ACAN: variants seen among roughly 807,000 people sequenced by gnomAD.
ACAN encodes the protein aggrecan.
A neutral mutation model predicts 169.1 loss-of-function variants in ACAN; 47 were observed. The observed-to-expected ratio is 0.28, with a 90% confidence interval of 0.22 to 0.35. The LOEUF (loss-of-function observed/expected upper bound fraction) is 0.35, where lower values mean the gene tolerates loss of function less well. ACAN is among the 10% of genes least tolerant of loss of function. The pLI, the probability that ACAN is intolerant of heterozygous loss-of-function variation, is 1.00. For missense variants in ACAN, 2,716 were observed against 2,759.9 expected (o/e 0.98, Z 0.36); for synonymous variants, 1,115 against 1,112.2 (o/e 1.00, Z -0.05).
In ACAN at chr15:88,855,484, G is replaced by T; in HGVS notation, c.2899G>T (p.Ala967Ser). Residue 967 changes from alanine to serine, a missense_variant, in exon 12 of 19, where the codon GCC becomes TCC. This residue lies in a region of ACAN where 1,283 missense variants were observed against 1,281.5 expected (regional missense o/e 1.00). Transcript: ENST00000560601. ...LPSGEVLETS[A>S]SGVGDLSGLP... Reference sequence around the variant, plus strand: ...TTCTGGAGAAGTTCTAGAGACCTCTGCCTCTGGAGTAGGAGACCTCAGTGG... The same window carrying T: ...TTCTGGAGAAGTTCTAGAGACCTCTTCCTCTGGAGTAGGAGACCTCAGTGG... 1 of 1,613,630 alleles carries T rather than the reference G, an allele frequency of 6.2e-7. No homozygotes were observed. Among genetic ancestry groups the T allele is most frequent in the Non-Finnish European group, 8.5e-7 (1 of 1,179,774 alleles).
chr15:88,834,075 G>C (rs12907386), intron 1 of ACAN, among the ~76,000 whole-genome samples: 3 of 152,006 alleles, frequency 2.0e-5, no homozygotes, highest in African/African-American at 7.3e-5. Flanking sequence ...CATGGGGCTT[G>C]AACCAGAGCC....
Position 88,847,491 on chromosome 15 carries a change from C to T in ACAN, c.1604+74C>T, listed in dbSNP as rs546662085. ...CTTAAGGAGCCACAGCCTGACACCG[C>T]CCCCAGCACACTGAGCACCCAATAC... On this transcript the variant is annotated intron_variant, in intron 8 of 18. Transcript: ENST00000560601. The T allele has an allele frequency of 5.5e-5, 79 of 1,432,350 alleles. 2 individuals are homozygous for T. In the South Asian group the frequency reaches 9.2e-4, roughly 17 times the overall value. 88.7% of individuals were successfully genotyped at this position (1,432,350 alleles called of 1,614,324 possible).
rs1431586332 is a variant in ACAN at position 88,807,751 on chromosome 15, T to TGTGTGTGC, written c.-8+3949_-8+3950insCGTGTGTG. Among the ~76,000 whole-genome samples the TGTGTGTGC allele has an allele frequency of 6.7e-6, 1 of 149,682 alleles. No individual in the cohort carries two copies. Among genetic ancestry groups the TGTGTGTGC allele is most frequent in the Non-Finnish European group, 1.5e-5 (1 of 66,964 alleles). ...GAGCCTCCTTATAAGTGGTGGAGTG[T>TGTGTGTGC]GTGTGTGTGTGTGTGTGTGTGTGTG... On this transcript the variant is annotated intron_variant, in intron 1 of 18. Transcript: ENST00000560601. The surrounding 1 kb of genome is among the most constrained non-coding windows in gnomAD (Gnocchi z 4.0).
At chr15:88,824,479 A>T (rs537946586) in intron 1 of ACAN, among the ~76,000 whole-genome samples, 14 of 152,256 alleles carry the variant, frequency 9.2e-5, no homozygotes, top group Non-Finnish European at 1.5e-4. Context: ...CACCGGAAAT[A>T]CAGCAGTGAG....
At chr15:88,847,834 C>T (rs1896832689) in intron 8 of ACAN, 77 bp from the exon 9 acceptor site, 1 of 1,522,434 alleles carries the variant, frequency 6.6e-7, no homozygotes, top group Non-Finnish European at 8.9e-7. Context: ...TGAGTAGCCT[C>T]TGGCCTCAGC....
chr15:88,831,696 A>G (rs190291573), intron 1 of ACAN, among the ~76,000 whole-genome samples: 3 of 152,286 alleles, frequency 2.0e-5, no homozygotes, highest in Admixed American at 6.5e-5. Context: ...CCAACCTACC[A>G]TATGGCCTTG....
chr15:88,836,934 C>G (rs1596129222), intron 2 of ACAN, among the ~76,000 whole-genome samples: 1 of 152,338 alleles, frequency 6.6e-6, no homozygotes, highest in South Asian at 2.1e-4. Context: ...TTAGAGGCCC[C>G]CACTGGCCAT....
At chr15:88,848,070 A>C in intron 9 of ACAN, 32 bp downstream of exon 9, 1 of 1,607,726 alleles carries the variant, frequency 6.2e-7, no homozygotes, top group Non-Finnish European at 8.5e-7. Context: ...TTCGGGCCCT[A>C]GATGGGCAGG....
chr15:88,806,738 A>T (rs1041895481), intron 1 of ACAN, among the ~76,000 whole-genome samples: 4 of 152,128 alleles, frequency 2.6e-5, no homozygotes, highest in Admixed American at 6.6e-5. Flanking sequence ...GCTGAGCCAA[A>T]GGAAGCCCAT....
In ACAN at chr15:88,838,631, G is replaced by C; in HGVS notation, c.71-32G>C. On this transcript the variant is annotated intron_variant, in intron 2 of 18. Transcript: ENST00000560601. This position sits in a 1 kb window ranked among gnomAD's most constrained non-coding sequence, Gnocchi z 5.1. ...GGGTGGTCCTCTCTAGGCACTAACA[G>C]GTCTCTCTTCTACCCCACCTCTCCC... 1 of 1,550,088 alleles carries C rather than the reference G, an allele frequency of 6.5e-7. No homozygotes were observed. The highest frequency in any genetic ancestry group is 1.7e-4 in the Middle Eastern group (1 of 5,722).
intron 1 of ACAN, among the ~76,000 whole-genome samples, chr15:88,824,496 C>CA (rs1596120202): frequency 1.3e-5 from 2 of 152,080 alleles, no homozygotes; most frequent in South Asian, 2.1e-4. Context: ...TGAGAAAAAC[C>CA]AAAAAAACTC....
rs1271464848 is a variant in ACAN at position 88,840,351 on chromosome 15, A to G, written c.629+165A>G. On this transcript the variant is annotated intron_variant, in intron 4 of 18. Coordinates refer to ENST00000560601, the MANE Select transcript of ACAN (RefSeq NM_001369268.1). ...CACACCTTGGCCAAACAGCAGCTCAATGACCCATCCCAAACCCTTGTTATT... is the reference window on the plus strand; with the variant it reads ...CACACCTTGGCCAAACAGCAGCTCAGTGACCCATCCCAAACCCTTGTTATT... Among the ~76,000 whole-genome samples the G allele has an allele frequency of 6.4e-4, 98 of 152,188 alleles. 1 individual carries two copies. Among genetic ancestry groups the G allele is most frequent in the Admixed American group, 6.3e-3 (97 of 15,276 alleles).
chr15:88,820,524 C>T (rs1896050202), intron 1 of ACAN, among the ~76,000 whole-genome samples: 1 of 152,168 alleles, frequency 6.6e-6, no homozygotes. Flanking sequence ...TTATTTAATG[C>T]TACACCACTT....
chr15:88,828,993 G>A (rs766998665), intron 1 of ACAN, among the ~76,000 whole-genome samples: 2 of 152,134 alleles, frequency 1.3e-5, no homozygotes, highest in Non-Finnish European at 2.9e-5. Context: ...GCTGCTCAAG[G>A]CCAATCCTAG....
At chr15:88,819,012 C>A (rs915015653) in intron 1 of ACAN, among the ~76,000 whole-genome samples, 5 of 152,010 alleles carry the variant, frequency 3.3e-5, no homozygotes, top group Admixed American at 6.5e-5. Context: ...TTGGAGAAAC[C>A]CTGACTGGAA....
intron 13 of ACAN, among the ~76,000 whole-genome samples, chr15:88,860,840 A>G (rs1284868981): frequency 6.6e-6 from 1 of 152,036 alleles, no homozygotes; most frequent in Non-Finnish European, 1.5e-5. Context: ...TATCGTGCAG[A>G]GTGAACCCCA....
chr15:88,805,131 G>A (rs1006418854), intron 1 of ACAN, among the ~76,000 whole-genome samples: 3 of 152,178 alleles, frequency 2.0e-5, no homozygotes, highest in Non-Finnish European at 2.9e-5. Flanking sequence ...GAATTCTTGG[G>A]TTCTAATCCT....
At position 88,858,158 on chromosome 15, in the gene ACAN, TC is replaced by T; in HGVS notation, c.5576del (p.Pro1859LeufsTer43). ...TTAGGGTCTGTGGAACTCAGTGGCC[TC>T]CCTTCCGGAGAGGCAGATCTGTCAG... is the stretch of plus-strand genomic sequence containing the variant. ...EGLGSVELSGLPSGEADLSGK... is the reference protein window; with the variant it reads ...EGLGSVELSGXPSGEADLSGK... On this transcript the variant is annotated frameshift_variant, in exon 12 of 19. Coordinates refer to ENST00000560601, the MANE Select transcript of ACAN (RefSeq NM_001369268.1). LOFTEE classifies it high-confidence loss of function. This position sits in a 1 kb window ranked among gnomAD's most constrained non-coding sequence, Gnocchi z 4.0. The T allele has an allele frequency of 6.2e-7, 1 of 1,613,942 alleles. No individual in the cohort carries two copies. Among genetic ancestry groups the T allele is most frequent in the Non-Finnish European group, 8.5e-7 (1 of 1,179,892 alleles).
At chr15:88,811,194 T>G (rs1337057262) in intron 1 of ACAN, among the ~76,000 whole-genome samples, 1 of 152,250 alleles carries the variant, frequency 6.6e-6, no homozygotes, top group Non-Finnish European at 1.5e-5. Context: ...TAACCCTAGT[T>G]AATTTTGGGT....
Sources: allele counts gnomAD v4.1 joint callset (sites outside exome capture counted in the v4.1 genomes callset), GRCh38; gene constraint gnomAD v4.1.1; regional missense constraint gnomAD v4.1.1; non-coding constraint Gnocchi (gnomAD v3.1); transcripts MANE v1.5; gene names NCBI Gene and HGNC (gene_info 2026-07-23, HGNC 2026-07-21).